The following PPP4R3B variants were observed in gnomAD, a reference collection of about 807,000 sequenced individuals.
PPP4R3B encodes the protein serine/threonine-protein phosphatase 4 regulatory subunit 3B.
In PPP4R3B, 52 loss-of-function variants were observed where a neutral mutation model predicts 95.4. The ratio of observed to expected loss-of-function variants is 0.54; its 90% CI spans 0.44 to 0.69. The LOEUF (loss-of-function observed/expected upper bound fraction) is 0.69. PPP4R3B is among the 30% of genes least tolerant of loss of function. PPP4R3B has a pLI of 0.00. For missense variants in PPP4R3B, 1,003 were observed against 1,005.9 expected, an observed-to-expected ratio of 1.00 and a Z score of 0.04; for synonymous variants, 407 against 343.9, an observed-to-expected ratio of 1.18 and a Z score of -2.03.
At chr2:55,612,089 ATTAAG>A (rs1489939952) in intron 2 of PPP4R3B, among the ~76,000 whole-genome samples, 1 of 152,136 alleles carries the variant, frequency 6.6e-6, no homozygotes, top group African/African-American at 2.4e-5. Flanking sequence ...TCACTTACTC[ATTAAG>A]TTTTTAATAA....
chr2:55,614,435 T>C (rs910683804), intron 2 of PPP4R3B: 13 of 152,086 alleles, frequency 8.5e-5, no homozygotes, highest in African/African-American at 2.9e-4. Flanking sequence ...TAGATCTACA[T>C]TGTTAACATG....
intron 4 of PPP4R3B, 150 bp downstream of exon 4, chr2:55,598,266 C>A: frequency 1.3e-6 from 1 of 795,628 alleles, no homozygotes; most frequent in Non-Finnish European, 1.9e-6. Context: ...ACATAAAGTC[C>A]CAATTTCTTT....
chr2:55,573,826 TAAAG>T, intron 11 of PPP4R3B, 49 bp from the exon 12 acceptor site: 1 of 1,164,738 alleles, frequency 8.6e-7, no homozygotes, highest in Non-Finnish European at 1.2e-6. Flanking sequence ...TATATCTAAA[TAAAG>T]AATAAATAAA....
intron 13 of PPP4R3B, among the ~76,000 whole-genome samples, chr2:55,566,224 A>C (rs1374058811): frequency 2.0e-5 from 3 of 152,192 alleles, no homozygotes; most frequent in Non-Finnish European, 4.4e-5. Flanking sequence ...TGTACTTCTC[A>C]ATTGAAAAAA....
rs931864441 is a variant in PPP4R3B, at chr2:55,588,988, T to C, written c.922-32A>G. On this transcript the variant is annotated intron_variant, in intron 4 of 16. Transcript: ENST00000616407. ...GAGAAAAATAATTACTATGAAATAT[T>C]AACAAAAGAATAAAGTTATACTCAT... The C allele has an allele frequency of 1.6e-5, 21 of 1,338,776 alleles. 1 individual carries two copies. Among genetic ancestry groups the C allele is most frequent in the Admixed American group, 7.3e-5 (4 of 54,880 alleles). The allele number at this position is 1,338,776 out of a possible 1,614,324, so 82.9% of individuals were successfully genotyped here.
At chr2:55,593,550 T>TAC (rs1691328724) in intron 4 of PPP4R3B, among the ~76,000 whole-genome samples, 1 of 152,152 alleles carries the variant, frequency 6.6e-6, no homozygotes, top group Admixed American at 6.5e-5. Flanking sequence ...AAACACCTAC[T>TAC]ACCTAACCAA....
At chr2:55,607,541 G>A (rs1467566768) in intron 2 of PPP4R3B, among the ~76,000 whole-genome samples, 1 of 152,188 alleles carries the variant, frequency 6.6e-6, no homozygotes, top group Non-Finnish European at 1.5e-5. Context: ...GAGGTACAGA[G>A]CAAGGTATGG....
chr2:55,616,132 A>C (rs1279214006), intron 1 of PPP4R3B, among the ~76,000 whole-genome samples: 2 of 152,124 alleles, frequency 1.3e-5, no homozygotes, highest in African/African-American at 4.8e-5. Context: ...TTTAAGGTCT[A>C]AATGACCACT....
At chr2:55,557,872 C>A (rs1686059698) in intron 16 of PPP4R3B, among the ~76,000 whole-genome samples, 1 of 152,012 alleles carries the variant, frequency 6.6e-6, no homozygotes, top group Admixed American at 6.6e-5. Context: ...AAAATTTAAA[C>A]TTGTTTATAA....
rs1692086076 is a variant in PPP4R3B at position 55,598,343 on chromosome 2, A to G, written c.921+73T>C. 15 of 1,462,832 alleles carry G rather than the reference A, an allele frequency of 1.0e-5. No homozygotes were observed. In the South Asian group the frequency reaches 2.0e-4, roughly 20 times the overall value. The allele number at this position is 1,462,832 out of a possible 1,614,324, so 90.6% of individuals were successfully genotyped here. A position where few individuals can be genotyped will look rare whatever the true frequency, so the allele number is the denominator to read the frequency against. On this transcript the variant is annotated intron_variant, in intron 4 of 16. Transcript: ENST00000616407. ...AAATCTTTCAAAAAATAGAGGGTAT[A>G]AACACCTGCTTGAACTATTAAGGGA...
At chr2:55,571,403 G>A (rs1342958660) in intron 12 of PPP4R3B, among the ~76,000 whole-genome samples, 1 of 151,974 alleles carries the variant, frequency 6.6e-6, no homozygotes, top group Non-Finnish European at 1.5e-5. Flanking sequence ...AGCCAAATAG[G>A]AAAATCTGTC....
At chr2:55,560,333 T>C (rs752357251) in intron 15 of PPP4R3B, among the ~76,000 whole-genome samples, 1 of 152,180 alleles carries the variant, frequency 6.6e-6, no homozygotes, top group Non-Finnish European at 1.5e-5. Context: ...GTGAGGAACT[T>C]ATTCGGAACT....
rs1258469541 is a variant in PPP4R3B, at chr2:55,548,869, G to C, written c.*1042C>G. On this transcript the variant is annotated 3_prime_UTR_variant, in exon 17 of 17. Coordinates refer to ENST00000616407, the MANE Select transcript of PPP4R3B (RefSeq NM_001122964.3). Reference sequence around the variant, plus strand: ...AAATTCACTTACGTATATGGAATGTGCTTTTACTCTTCTTAAAAAAGCAGC... The same window carrying C: ...AAATTCACTTACGTATATGGAATGTCCTTTTACTCTTCTTAAAAAAGCAGC... 6.6e-6 allele frequency: 1 copy of C among 152,582 alleles called. No homozygotes were observed. The highest frequency in any genetic ancestry group is 2.4e-5 in the African/African-American group (1 of 41,428). 9.5% of individuals were successfully genotyped at this position (152,582 alleles called of 1,614,324 possible).
chr2:55,606,822 CAAA>C (rs61086185), intron 2 of PPP4R3B, among the ~76,000 whole-genome samples: 225 of 106,970 alleles, frequency 2.1e-3, no homozygotes, highest in African/African-American at 5.0e-3. Context: ...GACTTTGCCT[CAAA>C]AAAAAAAAAA....
chr2:55,578,178 T>C (rs1294027747), intron 10 of PPP4R3B, 69 bp downstream of exon 10: 11 of 1,247,888 alleles, frequency 8.8e-6, no homozygotes, highest in Non-Finnish European at 1.1e-5. Flanking sequence ...ACAAGAAAAA[T>C]AATACCGTAT....
At chr2:55,586,582 C>A (rs920794590) in intron 6 of PPP4R3B, 36 bp downstream of exon 6, 5 of 1,288,580 alleles carry the variant, frequency 3.9e-6, no homozygotes, top group Non-Finnish European at 5.5e-6. Flanking sequence ...TACAAATTTA[C>A]AATTTCAAAA....
Position 55,568,315 on chromosome 2 carries a change from T to A in PPP4R3B, c.1814A>T (p.Tyr605Phe), listed in dbSNP as rs757102780. The A allele has an allele frequency of 6.2e-7, 1 of 1,608,326 alleles. No individual in the cohort carries two copies. Among genetic ancestry groups the A allele is most frequent in the South Asian group, 1.1e-5 (1 of 89,458 alleles). The change falls in exon 13 of 17, where the codon TAT becomes TTT. Residue 605 changes from tyrosine (Y) to phenylalanine (F), a missense_variant. Tyr to Phe is a conservative substitution (Grantham distance 22). This residue lies in a region of PPP4R3B where 79 missense variants were observed against 124.9 expected (regional missense o/e 0.63). Coordinates refer to ENST00000616407, the MANE Select transcript of PPP4R3B (RefSeq NM_001122964.3). ...RRIIGLKDEF[Y>F]NRYITKGNLF... Reference sequence around the variant, plus strand: ...ATTTCCCTTGGTGATGTAACGATTATAAAATTCATCTTTAAGTCCAATTAT... The same window carrying A: ...ATTTCCCTTGGTGATGTAACGATTAAAAAATTCATCTTTAAGTCCAATTAT...
intron 16 of PPP4R3B, 66 bp downstream of exon 16, chr2:55,558,709 C>A: frequency 7.9e-7 from 1 of 1,258,860 alleles, no homozygotes; most frequent in South Asian, 1.9e-5. Flanking sequence ...AAATTTTTTT[C>A]AGTAAACATG....
chr2:55,560,197 G>T (rs997799478), intron 15 of PPP4R3B, among the ~76,000 whole-genome samples: 2 of 152,170 alleles, frequency 1.3e-5, no homozygotes, highest in Non-Finnish European at 2.9e-5. Context: ...AATTTGGAGG[G>T]CTTAGAAAAA....
Sources: gnomAD v4.1 joint callset for allele counts (sites outside exome capture counted in the v4.1 genomes callset) on GRCh38, gnomAD v4.1.1 for gene constraint, gnomAD v4.1.1 regional missense constraint, MANE v1.5 for transcripts, NCBI Gene and HGNC (gene_info 2026-07-23, HGNC 2026-07-21) for gene names.